Variants in NRG1 observed in about 807,000 individuals in gnomAD.
NRG1 encodes pro-neuregulin-1, membrane-bound isoform.
NRG1 carries 18 observed loss-of-function variants against 63.8 expected under a neutral mutation model. That is an observed-to-expected ratio of 0.28 (90% confidence interval 0.19 to 0.42). The LOEUF (loss-of-function observed/expected upper bound fraction) is 0.42, where lower values mean the gene tolerates loss of function less well. Ranked by LOEUF, NRG1 falls within the 10% of genes least tolerant of loss-of-function variation. The probability of loss-of-function intolerance (pLI) is 1.00; values close to 1 mark genes in which losing one functional copy is unlikely to be tolerated. For synonymous variants in NRG1, 302 were observed against 301.3 expected (o/e 1.00, Z -0.02); for missense variants, 762 against 814.7 (o/e 0.94, Z 0.79).
intron 1 of NRG1, among the ~76,000 whole-genome samples, chr8:32,372,992 A>G (rs982877915): frequency 6.6e-6 from 1 of 152,208 alleles, no homozygotes; most frequent in Non-Finnish European, 1.5e-5. Flanking sequence ...TTTAGCAAAT[A>G]GGAAGCTGAA....
At chr8:32,470,206 A>T (rs1300341457) in intron 1 of NRG1, among the ~76,000 whole-genome samples, 2 of 126,730 alleles carry the variant, frequency 1.6e-5, no homozygotes, top group Admixed American at 8.7e-5. Context: ...TTTTACACAG[A>T]GTCTCGCTCT....
At chr8:32,062,681 T>G (rs999004040) in intron 1 of NRG1, among the ~76,000 whole-genome samples, 1 of 152,152 alleles carries the variant, frequency 6.6e-6, no homozygotes. Context: ...CTTGACAGAA[T>G]GTTTTTCTAA....
At chr8:32,189,660 G>T (rs1842296469) in intron 1 of NRG1, among the ~76,000 whole-genome samples, 1 of 152,160 alleles carries the variant, frequency 6.6e-6, no homozygotes, top group Non-Finnish European at 1.5e-5. Flanking sequence ...TACTAAATTT[G>T]ATTTTATTTC....
chr8:31,679,320 G>T (rs1204449508), intron 1 of NRG1, among the ~76,000 whole-genome samples: 1 of 152,020 alleles, frequency 6.6e-6, no homozygotes, highest in Non-Finnish European at 1.5e-5. Context: ...CAATATGTAA[G>T]ATACTATGTA....
intron 1 of NRG1, among the ~76,000 whole-genome samples, chr8:31,944,690 A>T (rs1563599298): frequency 6.6e-6 from 1 of 151,316 alleles, no homozygotes; most frequent in Non-Finnish European, 1.5e-5. Flanking sequence ...ATACACTCTC[A>T]TCCTTTCCGA....
At chr8:31,815,621 C>T (rs1428016047) in intron 1 of NRG1, among the ~76,000 whole-genome samples, 1 of 152,144 alleles carries the variant, frequency 6.6e-6, no homozygotes, top group African/African-American at 2.4e-5. Context: ...AAGTAGATTG[C>T]TGCATCATAT....
intron 1 of NRG1, among the ~76,000 whole-genome samples, chr8:31,772,985 G>A (rs930583899): frequency 3.9e-5 from 6 of 152,170 alleles, no homozygotes; most frequent in African/African-American, 1.4e-4. Context: ...TGCCCAAAAA[G>A]CAGCAGACTT....
rs371632724 is a variant in NRG1, at chr8:31,795,098, C to T, written c.37+155667C>T. Among the ~76,000 whole-genome samples, 67 of 152,222 alleles carry T rather than the reference C, an allele frequency of 4.4e-4. No individual in the cohort carries two copies. The South Asian group carries it at 6.4e-3, about 15-fold the overall frequency. ...GATTACAGGTATGAGCCACGGTGCC[C>T]AGCCTGTAATATATTTCATTCCAAC... On this transcript the variant is annotated intron_variant, in intron 1 of 10. Coordinates refer to the NRG1 transcript ENST00000519301.
intron 1 of NRG1, among the ~76,000 whole-genome samples, chr8:32,426,471 T>A (rs1817384861): frequency 6.6e-6 from 1 of 152,232 alleles, no homozygotes; most frequent in Non-Finnish European, 1.5e-5. Context: ...TAGTTTACAG[T>A]ATGTCCAGAA....
chr8:32,492,888 C>A lies in NRG1; in HGVS notation c.38-102940C>A, dbSNP rs778900122. Among the ~76,000 whole-genome samples, 3 of 152,112 alleles carry A rather than the reference C, an allele frequency of 2.0e-5. No individual in the cohort carries two copies. The East Asian group carries it at 5.8e-4, about 29-fold the overall frequency. On this transcript the variant is annotated intron_variant, in intron 1 of 10. Transcript: ENST00000519301. ...GGAGGGGAGGCTGGGGGGTTAAATT[C>A]ATGTATTTTTAGGCAAGAGTATTAA...
chr8:31,666,218 C>T lies in NRG1; in HGVS notation c.37+26787C>T, dbSNP rs1365508798. Among the ~76,000 whole-genome samples, 9 of 152,284 alleles carry T rather than the reference C, an allele frequency of 5.9e-5. No homozygotes were observed. In the East Asian group the frequency reaches 1.7e-3, roughly 29 times the overall value. ...TTAAAAGCCTTTTAGATCTAAGAGGCTGAAATTGAGAGAAGGAGGTGGGCA... is the reference window on the plus strand; with the variant it reads ...TTAAAAGCCTTTTAGATCTAAGAGGTTGAAATTGAGAGAAGGAGGTGGGCA... On this transcript the variant is annotated intron_variant, in intron 1 of 10. Coordinates refer to the NRG1 transcript ENST00000519301.
intron 1 of NRG1, among the ~76,000 whole-genome samples, chr8:32,324,694 A>C (rs556576363): frequency 6.6e-6 from 1 of 152,216 alleles, no homozygotes; most frequent in African/African-American, 2.4e-5. Context: ...GCAAATAAAA[A>C]ATTGGAAAAT....
At chr8:32,131,152 T>A (rs1834767212) in intron 1 of NRG1, among the ~76,000 whole-genome samples, 2 of 152,138 alleles carry the variant, frequency 1.3e-5, no homozygotes, top group Admixed American at 6.6e-5. Context: ...TTAATAAAGC[T>A]GTGGGGACTT....
intron 1 of NRG1, among the ~76,000 whole-genome samples, chr8:32,049,447 A>C (rs1281707066): frequency 1.3e-5 from 2 of 152,154 alleles, no homozygotes; most frequent in Non-Finnish European, 2.9e-5. Context: ...TTTATTTTTC[A>C]TTGAGCCTCT....
chr8:32,047,683 T>C (rs1239923923), intron 1 of NRG1, among the ~76,000 whole-genome samples: 2 of 152,024 alleles, frequency 1.3e-5, no homozygotes, highest in Non-Finnish European at 2.9e-5. Flanking sequence ...GTGTACAACA[T>C]TGATGTTTTC....
At chr8:32,511,367 G>A (rs866631648) in intron 1 of NRG1, among the ~76,000 whole-genome samples, 2 of 122,072 alleles carry the variant, frequency 1.6e-5, no homozygotes, top group African/African-American at 3.1e-5. Context: ...ATATATATGT[G>A]TATATATATA....
At chr8:32,172,357 A>T (rs1478095350) in intron 1 of NRG1, among the ~76,000 whole-genome samples, 8 of 152,208 alleles carry the variant, frequency 5.3e-5, no homozygotes, top group African/African-American at 1.9e-4. Context: ...CATCACCATC[A>T]TCAAAGACCA....
At chr8:32,560,652 G>T (rs552616866) in intron 1 of NRG1, among the ~76,000 whole-genome samples, 1 of 152,208 alleles carries the variant, frequency 6.6e-6, no homozygotes, top group South Asian at 2.1e-4. Context: ...TATTTTTGTG[G>T]TTGAAATTTG....
At chr8:32,369,882 A>C (rs947579584) in intron 1 of NRG1, among the ~76,000 whole-genome samples, 2 of 152,156 alleles carry the variant, frequency 1.3e-5, no homozygotes, top group African/African-American at 4.8e-5. Flanking sequence ...ACTCAGGAGA[A>C]AGAAGTAAAG....
Sources: gnomAD v4.1 joint callset for allele counts (sites outside exome capture counted in the v4.1 genomes callset) on GRCh38, gnomAD v4.1.1 for gene constraint, MANE v1.5 for transcripts, NCBI Gene and HGNC (gene_info 2026-07-23, HGNC 2026-07-21) for gene names.